The following NDUFS1 variants were observed in gnomAD, a reference collection of about 807,000 sequenced individuals.
NDUFS1 encodes the protein NADH:ubiquinone oxidoreductase core subunit S1.
A neutral mutation model predicts 84.4 loss-of-function variants in NDUFS1; 61 were observed. The ratio of observed to expected loss-of-function variants is 0.72; its 90% CI spans 0.59 to 0.89. NDUFS1 has a LOEUF of 0.89. Among genes scored for constraint, NDUFS1 ranks in the 40% least tolerant of loss-of-function variants. The pLI, the probability that NDUFS1 is intolerant of heterozygous loss-of-function variation, is 0.00. For missense variants in NDUFS1, 891 were observed against 890.0 expected (o/e 1.00, Z -0.01); for synonymous variants, 275 against 290.0 (o/e 0.95, Z 0.53).
chr2:206,127,683 A>C, intron 16 of NDUFS1, 114 bp downstream of exon 16: 1 of 1,134,194 alleles, frequency 8.8e-7, no homozygotes, highest in South Asian at 1.3e-5. Flanking sequence ...AATTATTCAA[A>C]TCATCTCTGC....
rs765677840 is a variant in NDUFS1, at chr2:206,124,240, C to T, written c.2129G>A (p.Cys710Tyr). Residue 710 changes from cysteine to tyrosine, a missense_variant, in exon 19 of 19, where the codon TGT (cysteine) becomes TAT (tyrosine). Cys to Tyr is a radical substitution (Grantham distance 194). Transcript: ENST00000233190. Reference protein sequence around the residue: ...ISRASQTMAKCVKAVTEGAQA... With the variant: ...ISRASQTMAKYVKAVTEGAQA... ...GGCACCCTCTGTGACAGCTTTGACA[C>T]ATTTGGCCATTGTCTGTGAGGCTCT... 4 of 1,613,324 alleles carry T rather than the reference C, an allele frequency of 2.5e-6. No homozygotes were observed. The highest frequency in any genetic ancestry group is 3.3e-5 in the Admixed American group (2 of 59,976).
Position 206,123,024 on chromosome 2 carries a change from C to G in NDUFS1, c.*1161G>C, listed in dbSNP as rs1199964475. 2 of 152,038 alleles carry G rather than the reference C, an allele frequency of 1.3e-5. No individual in the cohort carries two copies. The highest frequency in any genetic ancestry group is 4.8e-5 in the African/African-American group (2 of 41,390). The allele number at this position is 152,038 out of a possible 1,614,324, so 9.4% of individuals were successfully genotyped here. On this transcript the variant is annotated 3_prime_UTR_variant, in exon 19 of 19. Transcript: ENST00000233190. ...TGTTGGGATTACAGGTGTAAGCCAC[C>G]ACACCCAACCTTAGATTAAAAAAAA...
At chr2:206,125,470 TACACAC>T (rs373368439) in intron 18 of NDUFS1, among the ~76,000 whole-genome samples, 18 of 148,498 alleles carry the variant, frequency 1.2e-4, no homozygotes, top group Non-Finnish European at 1.8e-4. Flanking sequence ...TCAAAAATTA[TACACAC>T]ACACACACAC....
intron 4 of NDUFS1, 125 bp from the exon 5 acceptor site, chr2:206,149,221 T>C (rs936653740): frequency 1.4e-6 from 1 of 738,872 alleles, no homozygotes; most frequent in African/African-American, 1.8e-5. Flanking sequence ...AGGCAAAGAA[T>C]AGGGTATTTT....
rs895539132 is a variant in NDUFS1 at position 206,127,665 on chromosome 2, T to C, written c.1884+132A>G. 7.1e-6 allele frequency: 7 copies of C among 983,004 alleles called. No homozygotes were observed. The African/African-American group carries it at 1.1e-4, about 16-fold the overall frequency. 60.9% of individuals were successfully genotyped at this position (983,004 alleles called of 1,614,324 possible). A position where few individuals can be genotyped will look rare whatever the true frequency, so the allele number is the denominator to read the frequency against. On this transcript the variant is annotated intron_variant, in intron 16 of 18. Transcript: ENST00000233190. Reference sequence around the variant, plus strand: ...AATTCCTGTTTCTGAATACATGTTTTCTATAGAAATTATTCAAATCATCTC... The same window carrying C: ...AATTCCTGTTTCTGAATACATGTTTCCTATAGAAATTATTCAAATCATCTC...
intron 14 of NDUFS1, among the ~76,000 whole-genome samples, chr2:206,132,108 G>C (rs533378800): frequency 6.6e-6 from 1 of 151,868 alleles, no homozygotes; most frequent in South Asian, 2.1e-4. Flanking sequence ...TTGGGCAACA[G>C]AGTGAGACTC....
chr2:206,138,416 A>C (rs576418549), intron 13 of NDUFS1, 69 bp downstream of exon 13: 117 of 1,545,182 alleles, frequency 7.6e-5, no homozygotes, highest in Non-Finnish European at 1.0e-4. Context: ...GGATTATTAC[A>C]AAAACAGTTA....
In NDUFS1 at chr2:206,153,800, T is replaced by A. The variant is rs550603740; in HGVS notation, c.-4-118A>T. 70 of 650,514 alleles carry A rather than the reference T, an allele frequency of 1.1e-4. No homozygotes were observed. The South Asian group carries it at 1.1e-3, about 11-fold the overall frequency. 40.3% of individuals were successfully genotyped at this position (650,514 alleles called of 1,614,324 possible). A position where few individuals can be genotyped will look rare whatever the true frequency, so the allele number is the denominator to read the frequency against. ...CATTATGTCATTGAACACTCATAGG[T>A]TCTGATATTTTCACTTAGTCTGTAG... On this transcript the variant is annotated intron_variant, in intron 1 of 18. Coordinates refer to ENST00000233190, the MANE Select transcript of NDUFS1 (RefSeq NM_005006.7).
Position 206,144,897 on chromosome 2 carries a change from T to C in NDUFS1, c.867A>G (p.Lys289=). ...EDINEEWISD[K]TRFAYDGLKR... ...GAAAACAATATAGCATATACCTGGT[T>C]TTATCAGAGATCCACTCTTCATTGA... Residue 289 remains lysine, a synonymous_variant, in exon 9 of 19, where the codon AAA becomes AAG. Coordinates refer to ENST00000233190, the MANE Select transcript of NDUFS1 (RefSeq NM_005006.7). 6.2e-7 allele frequency: 1 copy of C among 1,613,954 alleles called. No homozygotes were observed. Among genetic ancestry groups the C allele is most frequent in the Non-Finnish European group, 8.5e-7 (1 of 1,179,936 alleles).
intron 15 of NDUFS1, among the ~76,000 whole-genome samples, chr2:206,129,857 G>C (rs1293651528): frequency 1.3e-5 from 2 of 152,026 alleles, no homozygotes; most frequent in African/African-American, 4.8e-5. Flanking sequence ...CTCCCAAAGT[G>C]CTGGGATTAC....
rs1456776561 is a variant in NDUFS1, at chr2:206,120,800, G to C, written c.*3385C>G. Reference sequence around the variant, plus strand: ...AGAGAAGGAAAAAGCACTTTGAGGAGAGGAATACAAGCAGGCTGCAGGAAT... The same window carrying C: ...AGAGAAGGAAAAAGCACTTTGAGGACAGGAATACAAGCAGGCTGCAGGAAT... On this transcript the variant is annotated 3_prime_UTR_variant, in exon 19 of 19. Coordinates refer to ENST00000233190, the MANE Select transcript of NDUFS1 (RefSeq NM_005006.7). The C allele has an allele frequency of 1.3e-5, 2 of 152,218 alleles. No homozygotes were observed. Among genetic ancestry groups the C allele is most frequent in the Admixed American group, 6.5e-5 (1 of 15,276 alleles). 9.4% of individuals were successfully genotyped at this position (152,218 alleles called of 1,614,324 possible).
At chr2:206,153,345 C>T (rs1692448549) in intron 2 of NDUFS1, among the ~76,000 whole-genome samples, 1 of 151,644 alleles carries the variant, frequency 6.6e-6, no homozygotes, top group African/African-American at 2.4e-5. Flanking sequence ...ACAGGTGTGC[C>T]CCACCATGCC....
At chr2:206,139,297 T>G (rs909025116) in intron 12 of NDUFS1, among the ~76,000 whole-genome samples, 1 of 151,874 alleles carries the variant, frequency 6.6e-6, no homozygotes, top group Non-Finnish European at 1.5e-5. Flanking sequence ...GCAATTTTCC[T>G]GCCTCACCCT....
At chr2:206,158,167 T>G (rs891315947) in intron 1 of NDUFS1, among the ~76,000 whole-genome samples, 3 of 152,098 alleles carry the variant, frequency 2.0e-5, no homozygotes, top group Admixed American at 1.3e-4. Context: ...TTTCACCGTG[T>G]TAGCCAGGAT....
At chr2:206,129,213 CAAT>C (rs1008709766) in intron 15 of NDUFS1, among the ~76,000 whole-genome samples, 2 of 152,120 alleles carry the variant, frequency 1.3e-5, no homozygotes, top group African/African-American at 2.4e-5. Flanking sequence ...CAAAACTCAA[CAAT>C]GATTATTTCT....
At chr2:206,152,368 T>C (rs1481112566) in intron 3 of NDUFS1, 51 bp downstream of exon 3, 1 of 1,402,494 alleles carries the variant, frequency 7.1e-7, no homozygotes, top group African/African-American at 1.4e-5. Flanking sequence ...TAAATTAGTA[T>C]TTTTAAAAAA....
chr2:206,146,806 A>G, intron 8 of NDUFS1, 97 bp downstream of exon 8: 1 of 1,242,610 alleles, frequency 8.0e-7, no homozygotes, highest in Non-Finnish European at 1.2e-6. Flanking sequence ...CAACAGACCA[A>G]AACAACTGAA....
At chr2:206,158,983 A>G (rs1409707085) in intron 1 of NDUFS1, 1 of 1,143,390 alleles carries the variant, frequency 8.7e-7, no homozygotes, top group South Asian at 1.4e-5. Context: ...GCTTAGTCTT[A>G]AGGCCTAAGT....
intron 1 of NDUFS1, among the ~76,000 whole-genome samples, chr2:206,156,779 A>T (rs1317362150): frequency 6.6e-6 from 1 of 152,202 alleles, no homozygotes; most frequent in Non-Finnish European, 1.5e-5. Context: ...GTGATACTGA[A>T]ATTGCAAATA....
Sources: gnomAD v4.1 joint callset for allele counts (sites outside exome capture counted in the v4.1 genomes callset) on GRCh38, gnomAD v4.1.1 for gene constraint, MANE v1.5 for transcripts, NCBI Gene and HGNC (gene_info 2026-07-23, HGNC 2026-07-21) for gene names.